The following SIDT1 variants were observed in gnomAD, a reference collection of about 807,000 sequenced individuals.
The protein encoded by SIDT1 is SID1 transmembrane family member 1.
SIDT1 carries 101 observed loss-of-function variants against 107.5 expected under a neutral mutation model. The observed-to-expected ratio is 0.94, with a 90% CI of 0.80 to 1.11. The LOEUF (loss-of-function observed/expected upper bound fraction) is 1.11. Among genes scored for constraint, SIDT1 ranks in the 50% least tolerant of loss-of-function variants. The probability of loss-of-function intolerance (pLI) is 0.00; values close to 1 mark genes in which losing one functional copy is unlikely to be tolerated. For synonymous variants in SIDT1, 395 were observed against 398.2 expected, an observed-to-expected ratio of 0.99 and a Z score of 0.10; for missense variants, 1,076 against 1,058.2, an observed-to-expected ratio of 1.02 and a Z score of -0.23.
At chr3:113,580,505 TGGAGATTCAC>T (rs55944553) in intron 4 of SIDT1, 93 bp from the exon 5 acceptor site, 29,168 of 721,506 alleles carry the variant, frequency 0.04, 812 homozygotes, top group African/African-American at 0.1. Context: ...AATTCATTAA[TGGAGATTCAC>T]GGAGATTTAC....
chr3:113,540,095 G>A (rs905481461), intron 1 of SIDT1, among the ~76,000 whole-genome samples: 8 of 152,070 alleles, frequency 5.3e-5, no homozygotes, highest in African/African-American at 7.2e-5. Flanking sequence ...TTCCACTCAC[G>A]GCAGAAGGTG....
chr3:113,569,862 G>A (rs566799625), intron 3 of SIDT1, among the ~76,000 whole-genome samples: 1 of 152,170 alleles, frequency 6.6e-6, no homozygotes, highest in Non-Finnish European at 1.5e-5. Flanking sequence ...CCAGTGTTGC[G>A]AACCACTACC....
chr3:113,621,011 C>T (rs1408803954), intron 21 of SIDT1, among the ~76,000 whole-genome samples: 1 of 152,138 alleles, frequency 6.6e-6, no homozygotes, highest in Non-Finnish European at 1.5e-5. Flanking sequence ...AGACTTACAC[C>T]GTGATTATCT....
At chr3:113,539,505 G>C (rs564503349) in intron 1 of SIDT1, among the ~76,000 whole-genome samples, 37 of 145,354 alleles carry the variant, frequency 2.5e-4, no homozygotes, top group African/African-American at 9.7e-4. Flanking sequence ...ATTAAGAATG[G>C]ATTGGTAACA....
At chr3:113,571,431 A>G (rs1439807803) in intron 3 of SIDT1, among the ~76,000 whole-genome samples, 2 of 151,824 alleles carry the variant, frequency 1.3e-5, no homozygotes, top group South Asian at 2.1e-4. Context: ...AAATTCCTTT[A>G]AAATTGAAAC....
chr3:113,553,664 G>A (rs1443811206), intron 1 of SIDT1, among the ~76,000 whole-genome samples: 3 of 152,246 alleles, frequency 2.0e-5, no homozygotes, highest in East Asian at 1.9e-4. Context: ...AGATACCTGC[G>A]AGGAGGCTGA....
chr3:113,613,967 T>C (rs977834696), intron 19 of SIDT1, among the ~76,000 whole-genome samples: 1 of 152,200 alleles, frequency 6.6e-6, no homozygotes, highest in Non-Finnish European at 1.5e-5. Flanking sequence ...ACAGAAGTAC[T>C]ATTCACAAGA....
chr3:113,550,824 T>C (rs1317682752), intron 1 of SIDT1, among the ~76,000 whole-genome samples: 1 of 152,146 alleles, frequency 6.6e-6, no homozygotes, highest in East Asian at 1.9e-4. Context: ...TGGGGCTTTG[T>C]TGTACAGATT....
intron 1 of SIDT1, among the ~76,000 whole-genome samples, chr3:113,536,926 G>C (rs1455900781): frequency 6.6e-6 from 1 of 152,190 alleles, no homozygotes; most frequent in Non-Finnish European, 1.5e-5. Context: ...ATAACCACAG[G>C]GCTCAGCCAG....
intron 14 of SIDT1, among the ~76,000 whole-genome samples, chr3:113,605,427 A>G (rs1945260050): frequency 6.6e-6 from 1 of 152,020 alleles, no homozygotes; most frequent in African/African-American, 2.4e-5. Context: ...CACCCAGCCC[A>G]TTGCTTCATC....
At chr3:113,616,247 G>T in intron 20 of SIDT1, 71 bp downstream of exon 20, 1 of 1,227,352 alleles carries the variant, frequency 8.1e-7, no homozygotes, top group Non-Finnish European at 1.2e-6. Flanking sequence ...AACAGGCTTG[G>T]GGCAGTCACT....
rs1577011619 is a variant in SIDT1 at position 113,629,014 on chromosome 3, G to A, written c.*1306G>A. 1 of 152,188 alleles carries A rather than the reference G, an allele frequency of 6.6e-6. No homozygotes were observed. Among genetic ancestry groups the A allele is most frequent in the Non-Finnish European group, 1.5e-5 (1 of 68,052 alleles). The allele number at this position is 152,188 out of a possible 1,614,324, so 9.4% of individuals were successfully genotyped here. On this transcript the variant is annotated 3_prime_UTR_variant, in exon 25 of 25. Transcript: ENST00000264852. Reference sequence around the variant, plus strand: ...CAGGCCCCCTTGTTGCCTGGAGTATGACGTAATCAGAAAATAGACGTATAA... The same window carrying A: ...CAGGCCCCCTTGTTGCCTGGAGTATAACGTAATCAGAAAATAGACGTATAA...
At chr3:113,593,176 T>C in intron 10 of SIDT1, 128 bp downstream of exon 10, 1 of 816,582 alleles carries the variant, frequency 1.2e-6, no homozygotes, top group South Asian at 1.4e-5. Context: ...TCCCGCAGAG[T>C]AGTCTAGCCT....
At chr3:113,591,814 CAT>C (rs2107594060) in intron 9 of SIDT1, among the ~76,000 whole-genome samples, 1 of 152,336 alleles carries the variant, frequency 6.6e-6, no homozygotes. Flanking sequence ...TAATTGAAAA[CAT>C]ATGTCCACAC....
At chr3:113,626,261 C>A (rs2107863041) in intron 24 of SIDT1, 46 bp downstream of exon 24, 2 of 1,258,458 alleles carry the variant, frequency 1.6e-6, no homozygotes, top group Non-Finnish European at 1.2e-6. Context: ...CTCTTTACAT[C>A]TTGTACTCTC....
chr3:113,536,499 TG>T (rs1173417356), intron 1 of SIDT1, among the ~76,000 whole-genome samples: 2 of 152,220 alleles, frequency 1.3e-5, no homozygotes, highest in Non-Finnish European at 2.9e-5. Context: ...TTCAAGCCAT[TG>T]TTGCTTGACA....
chr3:113,603,077 A>C lies in SIDT1; in HGVS notation c.1190A>C (p.Asp397Ala), dbSNP rs1205322035. The C allele has an allele frequency of 9.9e-6, 16 of 1,614,174 alleles. No individual in the cohort carries two copies. The South Asian group carries it at 1.5e-4, about 16-fold the overall frequency. The change falls in exon 12 of 25, where the codon GAC (aspartate) becomes GCC (alanine). Residue 397 changes from aspartate to alanine, a missense_variant. By Grantham distance (126) the Asp-to-Ala change is moderately radical. Transcript: ENST00000264852. Reference protein sequence around the residue: ...DGGPPGQSDTDSSVEESDFDT... With the variant: ...DGGPPGQSDTASSVEESDFDT... ...GGGCCACCGGGCCAGTCAGACACAG[A>C]CAGCTCCGTGGAGGAGAGCGACTTC...
intron 3 of SIDT1, among the ~76,000 whole-genome samples, chr3:113,575,473 A>G (rs1052457442): frequency 6.6e-6 from 1 of 152,240 alleles, no homozygotes; most frequent in African/African-American, 2.4e-5. Context: ...GACTCTCTGG[A>G]GCAGAAACAT....
At chr3:113,579,382 T>C (rs1304122108) in intron 4 of SIDT1, among the ~76,000 whole-genome samples, 1 of 152,170 alleles carries the variant, frequency 6.6e-6, no homozygotes, top group Non-Finnish European at 1.5e-5. Flanking sequence ...GTAATCATAG[T>C]AATGCTCTTG....
Sources: allele counts gnomAD v4.1 joint callset (sites outside exome capture counted in the v4.1 genomes callset), GRCh38; gene constraint gnomAD v4.1.1; transcripts MANE v1.5; gene names NCBI Gene and HGNC (gene_info 2026-07-23, HGNC 2026-07-21).